Variants in PTPRM observed in about 807,000 individuals in gnomAD.
PTPRM encodes receptor-type tyrosine-protein phosphatase mu.
In PTPRM, 47 loss-of-function variants were observed where a neutral mutation model predicts 186.7. That is an observed-to-expected ratio of 0.25 (90% CI 0.20 to 0.32). PTPRM has a LOEUF of 0.32. Ranked by LOEUF, PTPRM falls within the 10% of genes least tolerant of loss-of-function variation. The pLI is 1.00. For synonymous variants in PTPRM, 668 were observed against 674.9 expected (o/e 0.99, Z 0.16); for missense variants, 1,494 against 1,865.0 (o/e 0.80, Z 3.66).
At chr18:7,630,850 AT>A (rs1438925151) in intron 1 of PTPRM, among the ~76,000 whole-genome samples, 1 of 152,116 alleles carries the variant, frequency 6.6e-6, no homozygotes, top group Non-Finnish European at 1.5e-5. Flanking sequence ...TTAATAGCAC[AT>A]TTTGCCTTGT....
At chr18:7,886,573 T>C (rs1264623040) in intron 2 of PTPRM, among the ~76,000 whole-genome samples, 2 of 152,202 alleles carry the variant, frequency 1.3e-5, no homozygotes, top group African/African-American at 4.8e-5. Context: ...TTTTCATATG[T>C]GTTCAAAAAG....
Position 7,823,574 on chromosome 18 carries a change from A to T in PTPRM, c.196+49303A>T, listed in dbSNP as rs1029896280. Among the ~76,000 whole-genome samples, 6 of 152,274 alleles carry T rather than the reference A, an allele frequency of 3.9e-5. No individual in the cohort carries two copies. In the East Asian group the frequency reaches 1.2e-3, roughly 30 times the overall value. ...CCCTCAGTCTGGGTGGGCACCATCT[A>T]ATCAGCTGCCAGCGCTGCTTGAATA... On this transcript the variant is annotated intron_variant, in intron 2 of 32. Coordinates refer to ENST00000580170, the MANE Select transcript of PTPRM (RefSeq NM_001105244.2).
chr18:8,387,095 G>A lies in PTPRM; in HGVS notation c.4068G>A (p.Val1356=). ...AGCCCCAAGATGGATATCGGATGGTGCAGCAATTCCAGTTCCTGGGCTGGC... is the reference window on the plus strand; with the variant it reads ...AGCCCCAAGATGGATATCGGATGGTACAGCAATTCCAGTTCCTGGGCTGGC... ...AARPQDGYRM[V]QQFQFLGWPM... Residue 1356 remains valine (V), a synonymous_variant, in exon 31 of 33, where the codon GTG becomes GTA. Transcript: ENST00000580170. The A allele has an allele frequency of 6.2e-7, 1 of 1,610,488 alleles. No individual in the cohort carries two copies. The highest frequency in any genetic ancestry group is 8.5e-7 in the Non-Finnish European group (1 of 1,176,684).
chr18:7,824,118 C>T (rs539415832), intron 2 of PTPRM, among the ~76,000 whole-genome samples: 1 of 152,290 alleles, frequency 6.6e-6, no homozygotes, highest in African/African-American at 2.4e-5. Flanking sequence ...ACAGACAAAT[C>T]CCTGGTCTTC....
At chr18:7,858,972 G>A (rs2047219176) in intron 2 of PTPRM, among the ~76,000 whole-genome samples, 1 of 152,182 alleles carries the variant, frequency 6.6e-6, no homozygotes, top group South Asian at 2.1e-4. Context: ...AAAAAATAGT[G>A]CATCCTTGAA....
At chr18:8,263,141 C>T (rs928792285) in intron 19 of PTPRM, among the ~76,000 whole-genome samples, 1 of 152,086 alleles carries the variant, frequency 6.6e-6, no homozygotes, top group South Asian at 2.1e-4. Context: ...TGGAGTCTCA[C>T]TCTGCTGCCC....
At chr18:8,117,783 C>T (rs886994492) in intron 13 of PTPRM, among the ~76,000 whole-genome samples, 1 of 152,134 alleles carries the variant, frequency 6.6e-6, no homozygotes, top group African/African-American at 2.4e-5. Context: ...CCAGGGTATA[C>T]GTGATGTTTA....
intron 11 of PTPRM, among the ~76,000 whole-genome samples, chr18:8,092,196 C>T (rs1475714926): frequency 6.6e-6 from 1 of 152,062 alleles, no homozygotes; most frequent in Non-Finnish European, 1.5e-5. Flanking sequence ...TGAAATTGCA[C>T]TAAACTCTCA....
chr18:7,916,646 TAAAAAC>T (rs1568009702), intron 4 of PTPRM, among the ~76,000 whole-genome samples: 1 of 152,108 alleles, frequency 6.6e-6, no homozygotes, highest in East Asian at 1.9e-4. Context: ...TTTTAAATAA[TAAAAAC>T]AAAAAATAAA....
chr18:8,125,255 A>G (rs561156901), intron 13 of PTPRM, among the ~76,000 whole-genome samples: 2 of 151,696 alleles, frequency 1.3e-5, no homozygotes, highest in South Asian at 2.1e-4. Context: ...GACTGAGTTC[A>G]TTGAACGGCC....
At chr18:7,787,690 C>T (rs903714802) in intron 2 of PTPRM, among the ~76,000 whole-genome samples, 1 of 152,218 alleles carries the variant, frequency 6.6e-6, no homozygotes, top group Non-Finnish European at 1.5e-5. Flanking sequence ...GAGAAATAAG[C>T]TGTGTTGTAT....
At chr18:8,220,789 A>G (rs976169) in intron 14 of PTPRM, among the ~76,000 whole-genome samples, 83,957 of 152,086 alleles carry the variant, frequency 0.55, 23,795 homozygotes, top group East Asian at 0.77. Context: ...TTCAATTACC[A>G]TTGAATTACA....
chr18:7,707,456 AC>A (rs1410574307), intron 1 of PTPRM, among the ~76,000 whole-genome samples: 1 of 150,708 alleles, frequency 6.6e-6, no homozygotes, highest in Non-Finnish European at 1.5e-5. Context: ...CATAGTGAGA[AC>A]CCTTCTCTAA....
At chr18:7,648,234 A>G (rs1460959306) in intron 1 of PTPRM, among the ~76,000 whole-genome samples, 1 of 152,140 alleles carries the variant, frequency 6.6e-6, no homozygotes, top group Non-Finnish European at 1.5e-5. Flanking sequence ...AACTTAATTG[A>G]TAAATGTGTG....
chr18:8,073,891 C>T (rs542466457), intron 8 of PTPRM, among the ~76,000 whole-genome samples: 1 of 152,274 alleles, frequency 6.6e-6, no homozygotes, highest in East Asian at 1.9e-4. Context: ...GATGACAGAG[C>T]AAGACCCTAT....
intron 14 of PTPRM, among the ~76,000 whole-genome samples, chr18:8,187,674 C>T (rs2093660729): frequency 6.6e-6 from 1 of 152,148 alleles, no homozygotes; most frequent in African/African-American, 2.4e-5. Flanking sequence ...AAGTTGGCAA[C>T]AGAAGAGATG....
intron 2 of PTPRM, among the ~76,000 whole-genome samples, chr18:7,877,128 A>G (rs2048284831): frequency 6.6e-6 from 1 of 152,174 alleles, no homozygotes; most frequent in Non-Finnish European, 1.5e-5. Flanking sequence ...TGGTTTTATA[A>G]GTATAATTAG....
At chr18:8,128,724 T>C (rs143367888) in intron 13 of PTPRM, among the ~76,000 whole-genome samples, 2,037 of 152,294 alleles carry the variant, frequency 0.013, 18 homozygotes, top group South Asian at 0.054. Flanking sequence ...CTGAGTCAAA[T>C]GTCAAGTATT....
intron 7 of PTPRM, among the ~76,000 whole-genome samples, chr18:8,009,723 T>G (rs1212169387): frequency 6.6e-6 from 1 of 151,920 alleles, no homozygotes; most frequent in Non-Finnish European, 1.5e-5. Context: ...AATAAATAAA[T>G]AAAAAATAAA....
Sources: gnomAD v4.1 joint callset for allele counts (sites outside exome capture counted in the v4.1 genomes callset) on GRCh38, gnomAD v4.1.1 for gene constraint, MANE v1.5 for transcripts, NCBI Gene and HGNC (gene_info 2026-07-23, HGNC 2026-07-21) for gene names.